EXOSC1: variants seen among roughly 807,000 people sequenced by gnomAD.
The protein encoded by EXOSC1 is exosome component 1.
EXOSC1 carries 27 observed loss-of-function variants against 31.4 expected under a neutral mutation model. That is an observed-to-expected ratio of 0.86 (90% CI 0.63 to 1.18). The LOEUF is 1.18. EXOSC1 is among the 50% of genes most tolerant of loss of function. The probability of loss-of-function intolerance (pLI) is 0.00; values close to 1 mark genes in which losing one functional copy is unlikely to be tolerated. For missense variants in EXOSC1, 228 were observed against 250.3 expected (o/e 0.91, Z 0.60); for synonymous variants, 84 against 89.5 (o/e 0.94, Z 0.35).
At chr10:97,437,788 A>G (rs377660599) in intron 5 of EXOSC1, 38 bp from the exon 6 acceptor site, 13 of 1,566,952 alleles carry the variant, frequency 8.3e-6, no homozygotes, top group Non-Finnish European at 9.7e-6. Flanking sequence ...TGAAAGCTCT[A>G]GACTGGGTCT....
At chr10:97,444,777 T>C (rs1589471177) in intron 2 of EXOSC1, 3 of 152,248 alleles carry the variant, frequency 2.0e-5, no homozygotes, top group Admixed American at 2.0e-4. Context: ...AAAGTCAAGT[T>C]AGCCAGAACG....
chr10:97,445,929 A>G (rs2297666), intron 1 of EXOSC1, 26 bp downstream of exon 1: 491,567 of 1,613,564 alleles, frequency 0.3, 78,238 homozygotes, highest in Admixed American at 0.38. Context: ...CCTATCCAGG[A>G]CTCTGTACGG....
chr10:97,442,169 C>T (rs1425296829), intron 3 of EXOSC1, among the ~76,000 whole-genome samples: 1 of 126,048 alleles, frequency 7.9e-6, no homozygotes, highest in Non-Finnish European at 1.6e-5. Flanking sequence ...CAGAGCAAGG[C>T]CCTGTCTCAA....
chr10:97,438,663 C>A lies in EXOSC1; in HGVS notation c.345+7G>T, dbSNP rs1037926012. On this transcript the variant is annotated splice_region_variant and intron_variant, in intron 5 of 7. Coordinates refer to ENST00000370902, the MANE Select transcript of EXOSC1 (RefSeq NM_016046.5). Reference sequence around the variant, plus strand: ...AAGCCATTAAAAAAAAAGAACCAACCAACAACCTTGTCTTTTTCAGTTGCT... The same window carrying A: ...AAGCCATTAAAAAAAAAGAACCAACAAACAACCTTGTCTTTTTCAGTTGCT... 2 of 1,611,320 alleles carry A rather than the reference C, an allele frequency of 1.2e-6. No individual in the cohort carries two copies. The highest frequency in any genetic ancestry group is 1.7e-6 in the Non-Finnish European group (2 of 1,178,982).
At chr10:97,436,641 C>A in intron 7 of EXOSC1, 90 bp from the exon 8 acceptor site, 1 of 1,221,268 alleles carries the variant, frequency 8.2e-7, no homozygotes, top group Non-Finnish European at 1.1e-6. Context: ...GAAGTGCCAC[C>A]AAGCTTCCTA....
In EXOSC1 at chr10:97,441,174, A is replaced by G; in HGVS notation, c.308T>C (p.Ile103Thr). 2.5e-6 allele frequency: 4 copies of G among 1,613,430 alleles called. No homozygotes were observed. The highest frequency in any genetic ancestry group is 3.4e-6 in the Non-Finnish European group (4 of 1,179,390). The change falls in exon 4 of 8, where the codon ATC becomes ACC. Residue 103 changes from isoleucine (I) to threonine (T), a missense_variant. Transcript: ENST00000370902. ...ATGTGAAAAGGATACTTCTTACCGGATAGTTCCTCGAAAAGAGTTCTTAAG... is the reference window on the plus strand; with the variant it reads ...ATGTGAAAAGGATACTTCTTACCGGGTAGTTCCTCGAAAAGAGTTCTTAAG... ...MPLKNSFRGT[I>T]RKEDVRATEK...
Position 97,441,230 on chromosome 10 carries a change from T to G in EXOSC1, c.252A>C (p.Lys84Asn). The change falls in exon 4 of 8, where the codon AAA becomes AAC. Residue 84 changes from lysine to asparagine, a missense_variant. Coordinates refer to ENST00000370902, the MANE Select transcript of EXOSC1 (RefSeq NM_016046.5). ...KVSSINSRFA[K>N]VHILYVGSMP... ...TGGACCCCACATACAGGATGTGTACTTTGGCAAAGCGTGAATTGATGCTAG... is the reference window on the plus strand; with the variant it reads ...TGGACCCCACATACAGGATGTGTACGTTGGCAAAGCGTGAATTGATGCTAG... The G allele has an allele frequency of 1.2e-6, 2 of 1,614,122 alleles. No homozygotes were observed. The highest frequency in any genetic ancestry group is 2.7e-5 in the African/African-American group (2 of 75,050).
At chr10:97,439,381 G>A (rs561561262) in intron 4 of EXOSC1, among the ~76,000 whole-genome samples, 4 of 152,188 alleles carry the variant, frequency 2.6e-5, no homozygotes, top group Admixed American at 2.0e-4. Flanking sequence ...CTTCCCAATC[G>A]CATACATTAC....
rs1375416039 is a variant in EXOSC1 at position 97,437,277 on chromosome 10, T to C, written c.397-2A>G. ...GGACTGTGCATCACCTAAGGAGATC[T>C]AGTCACATAACACCGGTGAAGGAAA... On this transcript the variant is annotated splice_acceptor_variant, in intron 6 of 7. Coordinates refer to ENST00000370902, the MANE Select transcript of EXOSC1 (RefSeq NM_016046.5). LOFTEE classifies it high-confidence loss of function. 1.2e-6 allele frequency: 2 copies of C among 1,612,770 alleles called. No individual in the cohort carries two copies. The highest frequency in any genetic ancestry group is 1.1e-5 in the South Asian group (1 of 91,040).
chr10:97,445,995 T>A lies in EXOSC1; in HGVS notation c.-10A>T. 3 of 1,614,238 alleles carry A rather than the reference T, an allele frequency of 1.9e-6. No individual in the cohort carries two copies. In the African/African-American group the frequency reaches 4.0e-5, roughly 22 times the overall value. The stretch of plus-strand genomic sequence containing the variant: ...TCACAGGTGGCGCCATGATTGCCGC[T>A]GTCCCAAAACCAGGATGAAAACGAA... On this transcript the variant is annotated 5_prime_UTR_variant, in exon 1 of 8. Transcript: ENST00000370902.
intron 4 of EXOSC1, chr10:97,440,855 T>G (rs1303600119): frequency 1.0e-5 from 2 of 193,634 alleles, no homozygotes; most frequent in African/African-American, 4.7e-5. Context: ...TTTCACCATG[T>G]TGGCTAGGCT....
chr10:97,445,603 G>A, intron 2 of EXOSC1, 129 bp downstream of exon 2: 3 of 789,684 alleles, frequency 3.8e-6, no homozygotes, highest in Non-Finnish European at 6.0e-6. Context: ...ACGGCTAGAA[G>A]AAACTAAGAG....
Position 97,445,798 on chromosome 10 carries a change from G to A in EXOSC1, c.81C>T (p.Tyr27=). Residue 27 remains tyrosine (Y), a synonymous_variant, in exon 2 of 8, where the codon TAC becomes TAT. Coordinates refer to ENST00000370902, the MANE Select transcript of EXOSC1 (RefSeq NM_016046.5). ...ACGAAAAGATGTAGCCGTGGCGGGT[G>A]TAGGTGCCGCTGCCCGGGCTGCCCT... ...LEEGSPGSGT[Y]TRHGYIFSSL... is the part of the protein sequence containing the mutation. 3 of 1,613,922 alleles carry A rather than the reference G, an allele frequency of 1.9e-6. No individual in the cohort carries two copies. The highest frequency in any genetic ancestry group is 1.1e-5 in the South Asian group (1 of 91,082).
In EXOSC1 at chr10:97,438,715, G is replaced by C; in HGVS notation, c.312-12C>G. 6.4e-7 allele frequency: 1 copy of C among 1,553,774 alleles called. No homozygotes were observed. The highest frequency in any genetic ancestry group is 8.8e-7 in the Non-Finnish European group (1 of 1,138,618). Reference sequence around the variant, plus strand: ...GGACATCTTCCTTGCTATAAAAAAAGAATTAACAGAAAGATTAATTACCTG... The same window carrying C: ...GGACATCTTCCTTGCTATAAAAAAACAATTAACAGAAAGATTAATTACCTG... On this transcript the variant is annotated splice_polypyrimidine_tract_variant and intron_variant, in intron 4 of 7. Transcript: ENST00000370902.
intron 5 of EXOSC1, 121 bp downstream of exon 5, chr10:97,438,549 C>T: frequency 1.1e-6 from 1 of 874,076 alleles, no homozygotes; most frequent in Admixed American, 2.2e-5. Flanking sequence ...AAGTGATCCT[C>T]CCGCCTCAGC....
chr10:97,436,957 G>A (rs1350557218), intron 7 of EXOSC1, among the ~76,000 whole-genome samples: 2 of 152,106 alleles, frequency 1.3e-5, no homozygotes, highest in African/African-American at 4.8e-5. Context: ...TGGAGGCTGT[G>A]GTGAGTGGAG....
chr10:97,436,569 G>A lies in EXOSC1; in HGVS notation c.482-18C>T. Reference sequence around the variant, plus strand: ...CTGGATACCTGGAAGGGAAAAGCTGGTGGTGGAGCCCAGACCCCAAAGATT... The same window carrying A: ...CTGGATACCTGGAAGGGAAAAGCTGATGGTGGAGCCCAGACCCCAAAGATT... On this transcript the variant is annotated intron_variant, in intron 7 of 7. Coordinates refer to ENST00000370902, the MANE Select transcript of EXOSC1 (RefSeq NM_016046.5). The A allele has an allele frequency of 6.3e-7, 1 of 1,581,564 alleles. No individual in the cohort carries two copies. Among genetic ancestry groups the A allele is most frequent in the African/African-American group, 1.4e-5 (1 of 72,818 alleles).
At position 97,436,571 on chromosome 10, in the gene EXOSC1, G is replaced by C. The variant is rs901340796; in HGVS notation, c.482-20C>G. The C allele has an allele frequency of 3.8e-6, 6 of 1,577,934 alleles. No homozygotes were observed. The highest frequency in any genetic ancestry group is 5.1e-6 in the Non-Finnish European group (6 of 1,168,512). On this transcript the variant is annotated intron_variant, in intron 7 of 7. Transcript: ENST00000370902. ...GGATACCTGGAAGGGAAAAGCTGGT[G>C]GTGGAGCCCAGACCCCAAAGATTTG...
At chr10:97,436,641 C>G (rs1168032917) in intron 7 of EXOSC1, 90 bp from the exon 8 acceptor site, 5 of 1,221,274 alleles carry the variant, frequency 4.1e-6, no homozygotes, top group Non-Finnish European at 5.6e-6. Flanking sequence ...GAAGTGCCAC[C>G]AAGCTTCCTA....
Sources: gnomAD v4.1 joint callset for allele counts (sites outside exome capture counted in the v4.1 genomes callset) on GRCh38, gnomAD v4.1.1 for gene constraint, MANE v1.5 for transcripts, NCBI Gene and HGNC (gene_info 2026-07-23, HGNC 2026-07-21) for gene names.